Variants in MRGPRD observed in about 807,000 individuals in gnomAD.
The protein encoded by MRGPRD is MAS related GPR family member D.
For synonymous variants in MRGPRD, 185 were observed against 183.9 expected (o/e 1.01, Z -0.05); for missense variants, 392 against 413.4 (o/e 0.95, Z 0.45).
rs145695821 is a variant in MRGPRD, at chr11:68,980,699, C to T, written c.288G>A (p.Lys96=). 17 of 1,613,704 alleles carry T rather than the reference C, an allele frequency of 1.1e-5. No homozygotes were observed. In the African/African-American group the frequency reaches 2.1e-4, roughly 20 times the overall value. ...ETQPLVNTTD[K]VHELMKRLMY... ...TCAGTCTCTTCATCAGCTCGTGGAC[C>T]TTGTCAGTGGTATTGACCAGGGGCT... The change falls in exon 1 of 1, where the codon AAG becomes AAA. Residue 96 remains lysine, a synonymous_variant. Coordinates refer to ENST00000309106, the MANE Select transcript of MRGPRD (RefSeq NM_198923.2). The surrounding 1 kb of genome is among the most constrained non-coding windows in gnomAD (Gnocchi z 4.4).
Position 68,980,303 on chromosome 11 carries a change from C to T in MRGPRD, c.684G>A (p.Leu228=). The T allele has an allele frequency of 1.2e-6, 2 of 1,613,954 alleles. No homozygotes were observed. Among genetic ancestry groups the T allele is most frequent in the Non-Finnish European group, 1.7e-6 (2 of 1,179,952 alleles). Residue 228 remains leucine (L), a synonymous_variant, in exon 1 of 1, where the codon CTG becomes CTA. Coordinates refer to ENST00000309106, the MANE Select transcript of MRGPRD (RefSeq NM_198923.2). This position sits in a 1 kb window ranked among gnomAD's most constrained non-coding sequence, Gnocchi z 4.4. ...RLFVVVLASV[L]VFLICSLPLS... is the part of the protein sequence containing the mutation. ...GAGGCAGGGAACAGATGAGGAACAC[C>T]AGGACAGAGGCCAGGACCACCACGA...
Position 68,980,851 on chromosome 11 carries a change from T to C in MRGPRD, c.136A>G (p.Ser46Gly), listed in dbSNP as rs776075795. The change falls in exon 1 of 1, where the codon AGC (serine) becomes GGC (glycine). Residue 46 changes from serine (S) to glycine (G), a missense_variant. Ser to Gly is a moderately conservative substitution (Grantham distance 56, BLOSUM62 0). Coordinates refer to ENST00000309106, the MANE Select transcript of MRGPRD (RefSeq NM_198923.2). This position sits in a 1 kb window ranked among gnomAD's most constrained non-coding sequence, Gnocchi z 4.4. Reference protein sequence around the residue: ...FTCLCGMAGNSMVIWLLGFRM... With the variant: ...FTCLCGMAGNGMVIWLLGFRM... ...AAGCCCAGCAGCCAGATCACCATGC[T>C]GTTGCCTGCCATCCCGCACAGGCAG... The C allele has an allele frequency of 6.2e-7, 1 of 1,614,210 alleles. No individual in the cohort carries two copies. The highest frequency in any genetic ancestry group is 8.5e-7 in the Non-Finnish European group (1 of 1,180,034).
At position 68,980,113 on chromosome 11, in the gene MRGPRD, G is replaced by A; in HGVS notation, c.874C>T (p.Leu292=). 3 of 1,565,942 alleles carry A rather than the reference G, an allele frequency of 1.9e-6. No homozygotes were observed. The highest frequency in any genetic ancestry group is 2.6e-6 in the Non-Finnish European group (3 of 1,165,166). ...RRSHRLPTRS[L]GTVLQQALRE... ...AGCGCCTGTTGGAGCACAGTCCCCA[G>A]GGACCTGGTGGGCAGCCTGTGGCTC... Residue 292 remains leucine (L), a synonymous_variant, in exon 1 of 1, where the codon CTG becomes TTG. Coordinates refer to ENST00000309106, the MANE Select transcript of MRGPRD (RefSeq NM_198923.2). The surrounding 1 kb of genome is among the most constrained non-coding windows in gnomAD (Gnocchi z 4.4).
chr11:68,980,064 C>A lies in MRGPRD; in HGVS notation c.923G>T (p.Gly308Val). The A allele has an allele frequency of 6.6e-7, 1 of 1,522,714 alleles. No homozygotes were observed. The highest frequency in any genetic ancestry group is 8.8e-7 in the Non-Finnish European group (1 of 1,139,816). 94.3% of individuals were successfully genotyped at this position (1,522,714 alleles called of 1,614,324 possible). ...QALREEPELE[G>V]GETPTVGTNE... ...GGTGCCCACGGTGGGCGTCTCCCCA[C>A]CTTCCAGCTCGGGCTCCTCGCGAAG... is the stretch of plus-strand genomic sequence containing the variant. Residue 308 changes from glycine (G) to valine (V), a missense_variant, in exon 1 of 1, where the codon GGT (glycine) becomes GTT (valine). Gly to Val is a moderately radical substitution (Grantham distance 109, BLOSUM62 -3). Transcript: ENST00000309106. The surrounding 1 kb of genome is among the most constrained non-coding windows in gnomAD (Gnocchi z 4.4).
In MRGPRD at chr11:68,980,082, T is replaced by A. The variant is rs1192038060; in HGVS notation, c.905A>T (p.Glu302Val). The A allele has an allele frequency of 2.6e-6, 4 of 1,534,408 alleles. No homozygotes were observed. Among genetic ancestry groups the A allele is most frequent in the Non-Finnish European group, 3.5e-6 (4 of 1,146,206 alleles). ...LGTVLQQALR[E>V]EPELEGGETP... ...CTCCCCACCTTCCAGCTCGGGCTCC[T>A]CGCGAAGCGCCTGTTGGAGCACAGT... Residue 302 changes from glutamate (E) to valine (V), a missense_variant, in exon 1 of 1, where the codon GAG (glutamate) becomes GTG (valine). By Grantham distance (121) the Glu-to-Val change is moderately radical (BLOSUM62 -2). Transcript: ENST00000309106. The surrounding 1 kb of genome is among the most constrained non-coding windows in gnomAD (Gnocchi z 4.4).
In MRGPRD at chr11:68,980,401, G is replaced by A. The variant is rs1398444822; in HGVS notation, c.586C>T (p.Leu196=). 6.2e-7 allele frequency: 1 copy of A among 1,613,686 alleles called. No individual in the cohort carries two copies. The highest frequency in any genetic ancestry group is 1.3e-5 in the African/African-American group (1 of 74,900). The change falls in exon 1 of 1, where the codon CTG becomes TTG. Residue 196 remains leucine, a synonymous_variant. Coordinates refer to ENST00000309106, the MANE Select transcript of MRGPRD (RefSeq NM_198923.2). The surrounding 1 kb of genome is among the most constrained non-coding windows in gnomAD (Gnocchi z 4.4). ...IMGVLTPVMT[L]SSLTLFVWVR... is the part of the protein sequence containing the mutation. ...CAGACAAAGAGGGTCAGGCTGGACA[G>A]AGTCATCACTGGGGTTAAGACCCCC...
rs768910189 is a variant in MRGPRD, at chr11:68,980,741, C to T, written c.246G>A (p.Thr82=). The T allele has an allele frequency of 6.3e-5, 102 of 1,613,302 alleles. 1 individual carries two copies. The East Asian group carries it at 2.0e-3, about 32-fold the overall frequency. ...CCAGGGGCTGGGTTTCCAGGCTGAG[C>T]GTGGAAGCCATGCTGAAGAGGAAGA... ...DLLFLFSMAS[T]LSLETQPLVN... Residue 82 remains threonine, a synonymous_variant, in exon 1 of 1, where the codon ACG becomes ACA. Coordinates refer to ENST00000309106, the MANE Select transcript of MRGPRD (RefSeq NM_198923.2). This position sits in a 1 kb window ranked among gnomAD's most constrained non-coding sequence, Gnocchi z 4.4.
At chr11:68,980,171 G>GT in the MRGPRD span, 1 of 1,603,010 alleles carries the variant, frequency 6.2e-7, no homozygotes, top group Non-Finnish European at 8.5e-7. This position sits in a 1 kb window ranked among gnomAD's most constrained non-coding sequence, Gnocchi z 4.4. Flanking sequence ...AGATGACGGG[G>GT]TTGGCGCTGC....
Position 68,980,485 on chromosome 11 carries a change from A to G in MRGPRD, c.502T>C (p.Leu168=). ...AAGCACCGATCTTCATTGAATTTCA[A>G]GAACTTGCTGCAGAAGGAAGAGGTC... ...GLTSSFCSKF[L]KFNEDRCFRV... Residue 168 remains leucine, a synonymous_variant, in exon 1 of 1, where the codon TTG becomes CTG. Coordinates refer to ENST00000309106, the MANE Select transcript of MRGPRD (RefSeq NM_198923.2). The surrounding 1 kb of genome is among the most constrained non-coding windows in gnomAD (Gnocchi z 4.4). 6.2e-7 allele frequency: 1 copy of G among 1,614,156 alleles called. No individual in the cohort carries two copies. The highest frequency in any genetic ancestry group is 8.5e-7 in the Non-Finnish European group (1 of 1,180,036).
rs201589389 is a variant in MRGPRD, at chr11:68,980,446, C to T, written c.541G>A (p.Val181Ile). The T allele has an allele frequency of 1.2e-6, 2 of 1,613,984 alleles. No individual in the cohort carries two copies. The highest frequency in any genetic ancestry group is 4.5e-5 in the East Asian group (2 of 44,848). The change falls in exon 1 of 1, where the codon GTC becomes ATC. Residue 181 changes from valine (V) to isoleucine (I), a missense_variant. Coordinates refer to ENST00000309106, the MANE Select transcript of MRGPRD (RefSeq NM_198923.2). This position sits in a 1 kb window ranked among gnomAD's most constrained non-coding sequence, Gnocchi z 4.4. ...ACCCCCATGATGAGGGCGGCCTGGA[C>T]CATGTCCACCCTGAAGCACCGATCT... ...NEDRCFRVDM[V>I]QAALIMGVLT...
chr11:68,980,709 G>T lies in MRGPRD; in HGVS notation c.278C>A (p.Thr93Asn), dbSNP rs769822056. Residue 93 changes from threonine (T) to asparagine (N), a missense_variant, in exon 1 of 1, where the codon ACC becomes AAC. Transcript: ENST00000309106. The surrounding 1 kb of genome is among the most constrained non-coding windows in gnomAD (Gnocchi z 4.4). ...LSLETQPLVN[T>N]TDKVHELMKR... Reference sequence around the variant, plus strand: ...CATCAGCTCGTGGACCTTGTCAGTGGTATTGACCAGGGGCTGGGTTTCCAG... The same window carrying T: ...CATCAGCTCGTGGACCTTGTCAGTGTTATTGACCAGGGGCTGGGTTTCCAG... 2 of 1,613,674 alleles carry T rather than the reference G, an allele frequency of 1.2e-6. No homozygotes were observed. The highest frequency in any genetic ancestry group is 3.3e-5 in the Admixed American group (2 of 60,018).
chr11:68,980,293 T>C lies in MRGPRD; in HGVS notation c.694A>G (p.Ile232Val). The C allele has an allele frequency of 6.2e-7, 1 of 1,613,638 alleles. No homozygotes were observed. Among genetic ancestry groups the C allele is most frequent in the Non-Finnish European group, 8.5e-7 (1 of 1,179,852 alleles). Residue 232 changes from isoleucine to valine, a missense_variant, in exon 1 of 1, where the codon ATC becomes GTC. Transcript: ENST00000309106. The surrounding 1 kb of genome is among the most constrained non-coding windows in gnomAD (Gnocchi z 4.4). ...VVLASVLVFL[I>V]CSLPLSIYWF... ...TAGATGCTCAGAGGCAGGGAACAGATGAGGAACACCAGGACAGAGGCCAGG... is the reference window on the plus strand; with the variant it reads ...TAGATGCTCAGAGGCAGGGAACAGACGAGGAACACCAGGACAGAGGCCAGG...
rs1488571776 is a variant in MRGPRD, at chr11:68,980,718, A to G, written c.269T>C (p.Leu90Pro). The part of the protein sequence containing the change: ...ASTLSLETQP[L>P]VNTTDKVHEL... ...GTGGACCTTGTCAGTGGTATTGACC[A>G]GGGGCTGGGTTTCCAGGCTGAGCGT... Residue 90 changes from leucine to proline, a missense_variant, in exon 1 of 1, where the codon CTG becomes CCG. By Grantham distance (98) the Leu-to-Pro change is moderately conservative. Transcript: ENST00000309106. This position sits in a 1 kb window ranked among gnomAD's most constrained non-coding sequence, Gnocchi z 4.4. 1 of 1,613,584 alleles carries G rather than the reference A, an allele frequency of 6.2e-7. No homozygotes were observed. Among genetic ancestry groups the G allele is most frequent in the Non-Finnish European group, 8.5e-7 (1 of 1,180,050 alleles).
In MRGPRD at chr11:68,980,640, A is replaced by G; in HGVS notation, c.347T>C (p.Leu116Pro). The G allele has an allele frequency of 6.2e-7, 1 of 1,614,172 alleles. No individual in the cohort carries two copies. Among genetic ancestry groups the G allele is most frequent in the South Asian group, 1.1e-5 (1 of 91,082 alleles). ...ACAGCGCTGGGTGCTGATGGCCGTC[A>G]GCAGGCTCAGGCCCACTGTGTAGGC... ...YFAYTVGLSLLTAISTQRCLS... is the reference protein window; with the variant it reads ...YFAYTVGLSLPTAISTQRCLS... The change falls in exon 1 of 1, where the codon CTG becomes CCG. Residue 116 changes from leucine to proline, a missense_variant. By Grantham distance (98) the Leu-to-Pro change is moderately conservative (BLOSUM62 -3). Transcript: ENST00000309106. The surrounding 1 kb of genome is among the most constrained non-coding windows in gnomAD (Gnocchi z 4.4).
chr11:68,980,219 C>T lies in MRGPRD; in HGVS notation c.768G>A (p.Leu256=), dbSNP rs1293746234. The change falls in exon 1 of 1, where the codon CTG becomes CTA. Residue 256 remains leucine (L), a synonymous_variant. Coordinates refer to ENST00000309106, the MANE Select transcript of MRGPRD (RefSeq NM_198923.2). This position sits in a 1 kb window ranked among gnomAD's most constrained non-coding sequence, Gnocchi z 4.4. ...WLSLPPEMQV[L]CFSLSRLSSS... ...AGGAGAGGCGTGACAAGCTGAAGCA[C>T]AGGACCTGCATCTCGGGCGGCAGGC... is the stretch of plus-strand genomic sequence containing the variant. 3.1e-6 allele frequency: 5 copies of T among 1,610,808 alleles called. No individual in the cohort carries two copies. The highest frequency in any genetic ancestry group is 2.7e-5 in the African/African-American group (2 of 74,892).
At position 68,980,590 on chromosome 11, in the gene MRGPRD, A is replaced by G; in HGVS notation, c.397T>C (p.Phe133Leu). 6.2e-7 allele frequency: 1 copy of G among 1,614,078 alleles called. No homozygotes were observed. The highest frequency in any genetic ancestry group is 8.5e-7 in the Non-Finnish European group (1 of 1,180,008). Residue 133 changes from phenylalanine (F) to leucine (L), a missense_variant, in exon 1 of 1, where the codon TTC becomes CTC. By Grantham distance (22) the Phe-to-Leu change is conservative. Coordinates refer to ENST00000309106, the MANE Select transcript of MRGPRD (RefSeq NM_198923.2). The surrounding 1 kb of genome is among the most constrained non-coding windows in gnomAD (Gnocchi z 4.4). ...AGGTGCCTGGGCCGGTGACACTTGA[A>G]CCAGATAGGGAAGAGGACAGAGAGA... is the stretch of plus-strand genomic sequence containing the variant. ...RCLSVLFPIW[F>L]KCHRPRHLSA...
rs1295135937 is a variant in MRGPRD, at chr11:68,980,302, C to G, written c.685G>C (p.Val229Leu). The G allele has an allele frequency of 1.9e-6, 3 of 1,613,872 alleles. No individual in the cohort carries two copies. The highest frequency in any genetic ancestry group is 4.5e-5 in the East Asian group (2 of 44,862). The change falls in exon 1 of 1, where the codon GTG becomes CTG. Residue 229 changes from valine (V) to leucine (L), a missense_variant. By Grantham distance (32) the Val-to-Leu change is conservative. Transcript: ENST00000309106. This position sits in a 1 kb window ranked among gnomAD's most constrained non-coding sequence, Gnocchi z 4.4. ...LFVVVLASVL[V>L]FLICSLPLSI... ...AGAGGCAGGGAACAGATGAGGAACA[C>G]CAGGACAGAGGCCAGGACCACCACG...
rs1367439008 is a variant in MRGPRD at position 68,980,068 on chromosome 11, C to G, written c.919G>C (p.Glu307Gln). 1 of 1,524,236 alleles carries G rather than the reference C, an allele frequency of 6.6e-7. No individual in the cohort carries two copies. The highest frequency in any genetic ancestry group is 1.4e-5 in the African/African-American group (1 of 71,590). 94.4% of individuals were successfully genotyped at this position (1,524,236 alleles called of 1,614,324 possible). A position where few individuals can be genotyped will look rare whatever the true frequency, so the allele number is the denominator to read the frequency against. Residue 307 changes from glutamate to glutamine, a missense_variant, in exon 1 of 1, where the codon GAA becomes CAA. Physicochemically the swap from Glu to Gln is conservative, Grantham distance 29 (BLOSUM62 2). Coordinates refer to ENST00000309106, the MANE Select transcript of MRGPRD (RefSeq NM_198923.2). This position sits in a 1 kb window ranked among gnomAD's most constrained non-coding sequence, Gnocchi z 4.4. ...QQALREEPEL[E>Q]GGETPTVGTN... ...CCCACGGTGGGCGTCTCCCCACCTT[C>G]CAGCTCGGGCTCCTCGCGAAGCGCC...
Position 68,980,777 on chromosome 11 carries a change from T to G in MRGPRD, c.210A>C (p.Ala70=). 1.2e-6 allele frequency: 2 copies of G among 1,613,934 alleles called. No individual in the cohort carries two copies. Among genetic ancestry groups the G allele is most frequent in the Middle Eastern group, 1.7e-4 (1 of 6,060 alleles). ...TGCTGAAGAGGAAGAGGAGGTCGGCTGCCGCCAGGTTGAGGATATAGATGC... is the reference window on the plus strand; with the variant it reads ...TGCTGAAGAGGAAGAGGAGGTCGGCGGCCGCCAGGTTGAGGATATAGATGC... ...PFCIYILNLA[A]ADLLFLFSMA... is the part of the protein sequence containing the mutation. Residue 70 remains alanine, a synonymous_variant, in exon 1 of 1, where the codon GCA becomes GCC. Coordinates refer to ENST00000309106, the MANE Select transcript of MRGPRD (RefSeq NM_198923.2). This position sits in a 1 kb window ranked among gnomAD's most constrained non-coding sequence, Gnocchi z 4.4.
Sources: gnomAD v4.1 joint callset for allele counts on GRCh38, gnomAD v4.1.1 for gene constraint, Gnocchi (gnomAD v3.1) non-coding constraint, MANE v1.5 for transcripts, NCBI Gene and HGNC (gene_info 2026-07-23, HGNC 2026-07-21) for gene names.